The following NUP43 variants were observed in gnomAD, a reference collection of about 807,000 sequenced individuals.
NUP43 encodes the protein nucleoporin Nup43.
Under a neutral mutation model 47.3 loss-of-function variants are expected in NUP43, and 32 were observed. The observed-to-expected ratio is 0.68, with a 90% CI of 0.51 to 0.91. The LOEUF (loss-of-function observed/expected upper bound fraction) is 0.91, where lower values mean the gene tolerates loss of function less well. NUP43 is among the 40% of genes least tolerant of loss of function. The pLI is 0.00. For synonymous variants in NUP43, 147 were observed against 158.4 expected (o/e 0.93, Z 0.54); for missense variants, 444 against 453.9 (o/e 0.98, Z 0.20).
chr6:149,739,365 C>T (rs1283480593), intron 4 of NUP43, among the ~76,000 whole-genome samples: 1 of 152,102 alleles, frequency 6.6e-6, no homozygotes, highest in Non-Finnish European at 1.5e-5. Context: ...GGGCTCACTA[C>T]AACCTCCGCC....
chr6:149,745,469 A>C (rs538250498), intron 2 of NUP43, among the ~76,000 whole-genome samples: 3 of 152,066 alleles, frequency 2.0e-5, no homozygotes, highest in African/African-American at 7.2e-5. Context: ...GACTTTGGCC[A>C]AGTTAAGTTC....
Position 149,742,372 on chromosome 6 carries a change from G to C in NUP43, c.502+18C>G. On this transcript the variant is annotated intron_variant, in intron 4 of 7. Transcript: ENST00000340413. ...AGACTAGGTTTCGCCATGTTGGCCAGGCTGGGATTTTTCTTACCTATGGTT... is the reference window on the plus strand; with the variant it reads ...AGACTAGGTTTCGCCATGTTGGCCACGCTGGGATTTTTCTTACCTATGGTT... 5 of 1,611,832 alleles carry C rather than the reference G, an allele frequency of 3.1e-6. No individual in the cohort carries two copies. Among genetic ancestry groups the C allele is most frequent in the Non-Finnish European group, 4.2e-6 (5 of 1,178,164 alleles).
At position 149,738,119 on chromosome 6, in the gene NUP43, C is replaced by T. The variant is rs76388260; in HGVS notation, c.638+524G>A. 3.5e-3 allele frequency among the ~76,000 whole-genome samples: 527 copies of T among 152,286 alleles called. 3 individuals carry two copies. The highest frequency in any genetic ancestry group is 0.012 in the African/African-American group (500 of 41,560). On this transcript the variant is annotated intron_variant, in intron 5 of 7. Transcript: ENST00000340413. ...CAATTTGGAGACATGGAATGAAAGA[C>T]AATCCGATGGTAAGATGTACAAATC...
Position 149,726,608 on chromosome 6 carries a change from C to A in NUP43, c.*361G>T. ...ATACTACTGATAAAAATTGTAGGAA[C>A]CCATTGGTAGTTCCCATAACCACCA... On this transcript the variant is annotated 3_prime_UTR_variant, in exon 8 of 8. Transcript: ENST00000340413. 1 of 263,122 alleles carries A rather than the reference C, an allele frequency of 3.8e-6. No homozygotes were observed. The highest frequency in any genetic ancestry group is 7.5e-6 in the Non-Finnish European group (1 of 134,000). 16.3% of individuals were successfully genotyped at this position (263,122 alleles called of 1,614,324 possible).
chr6:149,728,310 T>A (rs1436984126), intron 7 of NUP43: 4 of 985,112 alleles, frequency 4.1e-6, no homozygotes, highest in Non-Finnish European at 4.8e-6. Flanking sequence ...CCAAGGTTCC[T>A]TAAAAGTAAA....
At chr6:149,739,061 A>G (rs1182843297) in intron 4 of NUP43, among the ~76,000 whole-genome samples, 1 of 151,630 alleles carries the variant, frequency 6.6e-6, no homozygotes, top group Non-Finnish European at 1.5e-5. Flanking sequence ...GCTCACCGCA[A>G]TCTCCACCTC....
chr6:149,730,009 C>A lies in NUP43; in HGVS notation c.913+1604G>T, dbSNP rs564315131. On this transcript the variant is annotated intron_variant, in intron 7 of 7. Coordinates refer to ENST00000340413, the MANE Select transcript of NUP43 (RefSeq NM_198887.3). ...AACTGACTGTAATGAGGAAAGCACG[C>A]CCTTTTTTTTTTTTTTTGAGACGGA... Among the ~76,000 whole-genome samples, 42 of 151,636 alleles carry A rather than the reference C, an allele frequency of 2.8e-4. 1 individual carries two copies. In the East Asian group the frequency reaches 7.0e-3, roughly 25 times the overall value.
At position 149,731,642 on chromosome 6, in the gene NUP43, A is replaced by C; in HGVS notation, c.884T>G (p.Val295Gly). 6.2e-7 allele frequency: 1 copy of C among 1,613,822 alleles called. No homozygotes were observed. The highest frequency in any genetic ancestry group is 8.5e-7 in the Non-Finnish European group (1 of 1,179,886). The stretch of plus-strand genomic sequence containing the variant: ...GTGAAAGAGTGACGACTTTTCAGGT[A>C]CATCTGTGGAAGCATCCCAGTGCCA... Reference protein sequence around the residue: ...SLWHWDASTDVPEKSSLFHQG... With the variant: ...SLWHWDASTDGPEKSSLFHQG... The change falls in exon 7 of 8, where the codon GTA becomes GGA. Residue 295 changes from valine to glycine, a missense_variant. Transcript: ENST00000340413.
chr6:149,742,877 C>T (rs1423607664), intron 3 of NUP43, among the ~76,000 whole-genome samples: 1 of 152,116 alleles, frequency 6.6e-6, no homozygotes. Flanking sequence ...TAACCTACAT[C>T]TAAAATATAC....
At chr6:149,742,609 C>T (rs769267504) in intron 3 of NUP43, 39 bp from the exon 4 acceptor site, 1 of 1,511,110 alleles carries the variant, frequency 6.6e-7, no homozygotes, top group African/African-American at 1.4e-5. Context: ...AAGCAAAGTA[C>T]TAAGGAATTA....
chr6:149,728,437 A>G, intron 7 of NUP43: 1 of 983,866 alleles, frequency 1.0e-6, no homozygotes, highest in Non-Finnish European at 1.2e-6. Flanking sequence ...TAGCATGGAC[A>G]TGCATGCATG....
chr6:149,732,064 C>T (rs1785076062), intron 6 of NUP43, among the ~76,000 whole-genome samples: 1 of 151,448 alleles, frequency 6.6e-6, no homozygotes, highest in Non-Finnish European at 1.5e-5. Flanking sequence ...TGCTTGTAGT[C>T]CCAGCTACTT....
chr6:149,745,411 A>G (rs1288696908), intron 2 of NUP43, among the ~76,000 whole-genome samples: 1 of 151,854 alleles, frequency 6.6e-6, no homozygotes, highest in Non-Finnish European at 1.5e-5. Context: ...GAAAAAAAAA[A>G]AAAAAAGAAA....
chr6:149,737,711 C>T (rs1785437126), intron 5 of NUP43, among the ~76,000 whole-genome samples: 1 of 152,044 alleles, frequency 6.6e-6, no homozygotes, highest in Non-Finnish European at 1.5e-5. Context: ...AACTCTGCCT[C>T]CCAGGTTCAA....
At chr6:149,748,520 T>C (rs1786143715), upstream of NUP43, among the ~76,000 whole-genome samples, 1 of 151,724 alleles carries the variant, frequency 6.6e-6, no homozygotes, top group African/African-American at 2.4e-5. Context: ...TTCTAAAAGA[T>C]TACTGGAGGC....
At position 149,725,807 on chromosome 6, in the gene NUP43, C is replaced by T. The variant is rs1784771113; in HGVS notation, c.*1162G>A. Reference sequence around the variant, plus strand: ...AACACTACATTAGTTCATTATTATCCCTGCAGACAAGGATAAAGATGGTTG... The same window carrying T: ...AACACTACATTAGTTCATTATTATCTCTGCAGACAAGGATAAAGATGGTTG... On this transcript the variant is annotated 3_prime_UTR_variant, in exon 8 of 8. Transcript: ENST00000340413. The T allele has an allele frequency of 6.6e-6, 1 of 151,878 alleles. No homozygotes were observed. The highest frequency in any genetic ancestry group is 6.6e-5 in the Admixed American group (1 of 15,228). The allele number at this position is 151,878 out of a possible 1,614,324, so 9.4% of individuals were successfully genotyped here.
intron 7 of NUP43, among the ~76,000 whole-genome samples, chr6:149,731,014 C>T (rs776931093): frequency 6.6e-6 from 1 of 152,076 alleles, no homozygotes; most frequent in Admixed American, 6.6e-5. Context: ...TGCCTGTAAT[C>T]CCAGCACTTT....
At chr6:149,727,528 GAAAA>G in intron 7 of NUP43, 2 of 982,046 alleles carry the variant, frequency 2.0e-6, no homozygotes. Context: ...AATAAGGAAA[GAAAA>G]AAAAGAAACC....
chr6:149,731,581 T>C, intron 7 of NUP43, 32 bp downstream of exon 7: 1 of 1,430,570 alleles, frequency 7.0e-7, no homozygotes. Flanking sequence ...AAAAAAAAAG[T>C]ACACATAACA....
Sources: gnomAD v4.1 joint callset for allele counts (sites outside exome capture counted in the v4.1 genomes callset) on GRCh38, gnomAD v4.1.1 for gene constraint, MANE v1.5 for transcripts, NCBI Gene and HGNC (gene_info 2026-07-23, HGNC 2026-07-21) for gene names.